CTNNA1: variants seen among roughly 807,000 people sequenced by gnomAD.
The protein encoded by CTNNA1 is catenin alpha 1.
In CTNNA1, 37 loss-of-function variants were observed where a neutral mutation model predicts 98.4. The ratio of observed to expected loss-of-function variants is 0.38; its 90% CI spans 0.29 to 0.49. The LOEUF (loss-of-function observed/expected upper bound fraction) is 0.49. CTNNA1 is among the 20% of genes least tolerant of loss of function. CTNNA1 has a pLI of 0.95. For synonymous variants in CTNNA1, 404 were observed against 413.2 expected, an observed-to-expected ratio of 0.98 and a Z score of 0.27; for missense variants, 761 against 1,147.2, an observed-to-expected ratio of 0.66 and a Z score of 4.86.
intron 1 of CTNNA1, among the ~76,000 whole-genome samples, chr5:138,759,413 C>T (rs569768623): frequency 2.0e-4 from 31 of 152,338 alleles, no homozygotes; most frequent in African/African-American, 4.6e-4. Context: ...TTATCTCCCC[C>T]GCACCCTCAT....
At chr5:138,840,560 G>A (rs1762189957) in intron 7 of CTNNA1, among the ~76,000 whole-genome samples, 1 of 152,156 alleles carries the variant, frequency 6.6e-6, no homozygotes, top group African/African-American at 2.4e-5. Flanking sequence ...GTTGTCATGT[G>A]TTGATAATAA....
chr5:138,933,027 G>A, intron 17 of CTNNA1: 1 of 761,174 alleles, frequency 1.3e-6, no homozygotes, highest in South Asian at 1.4e-5. Flanking sequence ...CCAGCTACTT[G>A]GGAGGCTGAG....
At position 138,930,935 on chromosome 5, in the gene CTNNA1, T is replaced by C. The variant is rs764185931; in HGVS notation, c.2298T>C (p.His766=). The C allele has an allele frequency of 2.0e-4, 324 of 1,608,756 alleles. 2 individuals carry two copies. The Admixed American group carries it at 5.2e-3, about 26-fold the overall frequency. ...AGCTTGGCCGCACCATTGCAGACCA[T>C]GTAAGTGACAGACTTGCCAGGTGGG... ...MDKLGRTIAD[H]CPDSACKQDL... Residue 766 remains histidine, a splice_region_variant and synonymous_variant, in exon 16 of 18, where the codon CAT becomes CAC. Transcript: ENST00000302763.
chr5:138,873,255 A>AG lies in CTNNA1; in HGVS notation c.1063-12957_1063-12956insG. 1 of 1,613,834 alleles carries AG rather than the reference A, an allele frequency of 6.2e-7. No individual in the cohort carries two copies. Among genetic ancestry groups the AG allele is most frequent in the Non-Finnish European group, 8.5e-7 (1 of 1,179,792 alleles). On this transcript the variant is annotated intron_variant, in intron 7 of 17. Transcript: ENST00000302763. The surrounding 1 kb of genome is among the most constrained non-coding windows in gnomAD (Gnocchi z 6.1). ...GAGATGAACACTATAAAAATAATAA[A>AG]AAAGAAAGAAAACAATAAAGCCATT...
chr5:138,769,400 A>T (rs1355087330), intron 1 of CTNNA1, among the ~76,000 whole-genome samples: 9 of 151,186 alleles, frequency 6.0e-5, no homozygotes, highest in East Asian at 1.9e-4. Context: ...TATTATTATT[A>T]TTTTTTGAGA....
At chr5:138,833,158 A>G (rs903266978) in intron 7 of CTNNA1, among the ~76,000 whole-genome samples, 1 of 152,216 alleles carries the variant, frequency 6.6e-6, no homozygotes, top group Non-Finnish European at 1.5e-5. Context: ...ACTTAATACA[A>G]TGTCTGAAAC....
In CTNNA1 at chr5:138,934,299, T is replaced by C. The variant is rs1766076547; in HGVS notation, c.*210T>C. 1.9e-6 allele frequency: 1 copy of C among 533,414 alleles called. No individual in the cohort carries two copies. Among genetic ancestry groups the C allele is most frequent in the African/African-American group, 1.9e-5 (1 of 52,250 alleles). 33.0% of individuals were successfully genotyped at this position (533,414 alleles called of 1,614,324 possible). ...ATGCAGGAGCCTACTTCTAGCTGTA[T>C]TTTTTGTATGCTTAAATAAAAATAA... On this transcript the variant is annotated 3_prime_UTR_variant, in exon 18 of 18. Coordinates refer to ENST00000302763, the MANE Select transcript of CTNNA1 (RefSeq NM_001903.5).
chr5:138,913,748 C>T (rs965603094), intron 10 of CTNNA1, among the ~76,000 whole-genome samples: 5 of 152,112 alleles, frequency 3.3e-5, no homozygotes, highest in African/African-American at 9.7e-5. Flanking sequence ...CCAATGGTGA[C>T]AGTAAGTATT....
At chr5:138,800,166 A>G (rs1395725587) in intron 3 of CTNNA1, among the ~76,000 whole-genome samples, 3 of 152,168 alleles carry the variant, frequency 2.0e-5, no homozygotes, top group East Asian at 1.9e-4. Context: ...AAGAAAATCC[A>G]TGAAGCTGTA....
In CTNNA1 at chr5:138,873,344, G is replaced by C; in HGVS notation, c.1063-12868G>C. On this transcript the variant is annotated intron_variant, in intron 7 of 17. Transcript: ENST00000302763. This position sits in a 1 kb window ranked among gnomAD's most constrained non-coding sequence, Gnocchi z 6.1. Reference sequence around the variant, plus strand: ...TGGTTCAGGAAAGTGTTCCTCGGTAGTAACTGCTATGCCTGCAGTAGTTGG... The same window carrying C: ...TGGTTCAGGAAAGTGTTCCTCGGTACTAACTGCTATGCCTGCAGTAGTTGG... 1 of 1,614,034 alleles carries C rather than the reference G, an allele frequency of 6.2e-7. No individual in the cohort carries two copies. The highest frequency in any genetic ancestry group is 8.5e-7 in the Non-Finnish European group (1 of 1,179,854).
chr5:138,832,516 G>C (rs530113719), intron 7 of CTNNA1, among the ~76,000 whole-genome samples: 22 of 152,052 alleles, frequency 1.4e-4, no homozygotes, highest in Non-Finnish European at 2.8e-4. Context: ...AATCTTAAAA[G>C]GTTTAAAAGT....
intron 1 of CTNNA1, among the ~76,000 whole-genome samples, chr5:138,781,356 A>G (rs1293316034): frequency 1.3e-5 from 2 of 152,014 alleles, no homozygotes; most frequent in African/African-American, 4.8e-5. Context: ...CGAGACCATC[A>G]TATCCTGGCT....
chr5:138,817,554 T>C lies in CTNNA1; in HGVS notation c.588+5252T>C, dbSNP rs1257320011. Among the ~76,000 whole-genome samples, 3 of 152,206 alleles carry C rather than the reference T, an allele frequency of 2.0e-5. No homozygotes were observed. The East Asian group carries it at 5.8e-4, about 29-fold the overall frequency. ...TCTGGAATTCCCATGATGGGAATAT[T>C]GGTTGATTTAATGCTATCCTATAAG... On this transcript the variant is annotated intron_variant, in intron 5 of 17. Transcript: ENST00000302763.
chr5:138,843,092 C>A (rs1272639014), intron 7 of CTNNA1, among the ~76,000 whole-genome samples: 2 of 152,028 alleles, frequency 1.3e-5, no homozygotes, highest in Non-Finnish European at 2.9e-5. Flanking sequence ...AAGATTTGAA[C>A]AGATATGAAA....
intron 10 of CTNNA1, among the ~76,000 whole-genome samples, chr5:138,913,058 CTTTTTT>C (rs35292208): frequency 6.8e-6 from 1 of 146,214 alleles, no homozygotes; most frequent in Non-Finnish European, 1.5e-5. Flanking sequence ...ACTGAAGTGA[CTTTTTT>C]TTTTTTAACT....
chr5:138,824,443 A>G (rs1297197560), intron 5 of CTNNA1, 87 bp from the exon 6 acceptor site: 2 of 1,406,014 alleles, frequency 1.4e-6, no homozygotes, highest in African/African-American at 2.9e-5. Context: ...TAGAAATTCT[A>G]ACTTTTCAGC....
intron 1 of CTNNA1, chr5:138,754,589 T>A (rs1751416425): frequency 6.6e-6 from 1 of 152,220 alleles, no homozygotes; most frequent in South Asian, 2.1e-4. Flanking sequence ...AGCGAATATT[T>A]GTGTTTAGTC....
intron 13 of CTNNA1, among the ~76,000 whole-genome samples, chr5:138,927,710 TAATGAATGAATGAATG>T (rs749302365): frequency 6.6e-5 from 10 of 151,058 alleles, no homozygotes; most frequent in South Asian, 2.1e-4. Context: ...GGCAGAGAGA[TAATGAATGAATGAATG>T]AATGAATGAA....
Position 138,783,174 on chromosome 5 carries a change from T to C in CTNNA1, c.106-3T>C, listed in dbSNP as rs369219741. The stretch of plus-strand genomic sequence containing the variant: ...AGTTTAATGTTAAAAATGAAACTTT[T>C]AGGTTACAACCCTTGTAAACACCAA... On this transcript the variant is annotated splice_polypyrimidine_tract_variant and splice_region_variant and intron_variant, in intron 2 of 17. Transcript: ENST00000302763. The C allele has an allele frequency of 4.3e-5, 68 of 1,566,962 alleles. No homozygotes were observed. Among genetic ancestry groups the C allele is most frequent in the Non-Finnish European group, 5.6e-5 (65 of 1,155,846 alleles).
Sources: gnomAD v4.1 joint callset for allele counts (sites outside exome capture counted in the v4.1 genomes callset) on GRCh38, gnomAD v4.1.1 for gene constraint, Gnocchi (gnomAD v3.1) non-coding constraint, MANE v1.5 for transcripts, NCBI Gene and HGNC (gene_info 2026-07-23, HGNC 2026-07-21) for gene names.